Variants in CACNB2 observed in about 807,000 individuals in gnomAD.
CACNB2 encodes the protein voltage-dependent L-type calcium channel subunit beta-2.
Under a neutral mutation model 73.3 loss-of-function variants are expected in CACNB2, and 42 were observed. The observed-to-expected ratio is 0.57, with a 90% CI of 0.45 to 0.74. The LOEUF (loss-of-function observed/expected upper bound fraction) is 0.74, where lower values mean the gene tolerates loss of function less well. Ranked by LOEUF, CACNB2 falls within the 30% of genes least tolerant of loss-of-function variation. The pLI is 0.00. For synonymous variants in CACNB2, 348 were observed against 310.3 expected (o/e 1.12, Z -1.28); for missense variants, 940 against 853.0 (o/e 1.10, Z -1.27).
intron 3 of CACNB2, among the ~76,000 whole-genome samples, chr10:18,435,241 T>C (rs2046075691): frequency 6.6e-6 from 1 of 152,166 alleles, no homozygotes; most frequent in Non-Finnish European, 1.5e-5. Flanking sequence ...TCATGCTCTT[T>C]GTTAGATGGG....
intron 3 of CACNB2, among the ~76,000 whole-genome samples, chr10:18,434,069 C>G (rs1439069767): frequency 6.6e-6 from 1 of 152,016 alleles, no homozygotes; most frequent in Non-Finnish European, 1.5e-5. Flanking sequence ...ATGTTTTATA[C>G]AGAAAAACCA....
At chr10:18,512,374 T>C (rs1374898561) in intron 6 of CACNB2, among the ~76,000 whole-genome samples, 1 of 152,200 alleles carries the variant, frequency 6.6e-6, no homozygotes, top group African/African-American at 2.4e-5. Context: ...AAAATCATCT[T>C]AATCCTGTCC....
chr10:18,168,965 A>G (rs560646296), intron 2 of CACNB2, among the ~76,000 whole-genome samples: 2 of 152,292 alleles, frequency 1.3e-5, no homozygotes, highest in South Asian at 4.1e-4. Context: ...AACAGCCAAG[A>G]AATTTTTAAA....
chr10:18,343,355 C>T (rs1180517134), intron 2 of CACNB2, among the ~76,000 whole-genome samples: 1 of 151,718 alleles, frequency 6.6e-6, no homozygotes, highest in Non-Finnish European at 1.5e-5. Context: ...TTTTTTCTGA[C>T]TGTGGTTAAG....
At chr10:18,442,990 ATATATATGTGTATATATATATATG>A (rs1364933896) in intron 3 of CACNB2, among the ~76,000 whole-genome samples, 281 of 17,326 alleles carry the variant, frequency 0.016, 12 homozygotes, top group Middle Eastern at 0.023. Context: ...ATATATGTAT[ATATATATGTGTATATATATATATG>A]TATATATATA....
At chr10:18,265,244 G>A (rs989174173) in intron 2 of CACNB2, among the ~76,000 whole-genome samples, 21 of 139,222 alleles carry the variant, frequency 1.5e-4, no homozygotes, top group Admixed American at 9.2e-4. Flanking sequence ...TCCACCTCCC[G>A]CATTCAAGCC....
chr10:18,159,777 A>T (rs2032323784), intron 2 of CACNB2, among the ~76,000 whole-genome samples: 1 of 152,234 alleles, frequency 6.6e-6, no homozygotes, highest in Admixed American at 6.5e-5. Context: ...GATATGTTTA[A>T]GGTTGGATAA....
chr10:18,377,356 T>C (rs560933928), intron 2 of CACNB2, among the ~76,000 whole-genome samples: 2 of 152,246 alleles, frequency 1.3e-5, no homozygotes, highest in Non-Finnish European at 2.9e-5. Flanking sequence ...TATATAATAT[T>C]ATGTCTGGTG....
At chr10:18,511,573 C>T (rs186960583) in intron 6 of CACNB2, among the ~76,000 whole-genome samples, 169 of 152,330 alleles carry the variant, frequency 1.1e-3, no homozygotes, top group African/African-American at 4.0e-3. Context: ...TTTGTTCCTT[C>T]CTTCAATCTA....
intron 9 of CACNB2, among the ~76,000 whole-genome samples, chr10:18,523,295 T>G (rs776301669): frequency 3.3e-5 from 5 of 152,190 alleles, no homozygotes; most frequent in Admixed American, 6.5e-5. Context: ...CTTTCCTAAA[T>G]GCCAAAGATG....
chr10:18,164,952 T>A (rs1024038900), intron 2 of CACNB2, among the ~76,000 whole-genome samples: 8 of 152,182 alleles, frequency 5.3e-5, no homozygotes, highest in Non-Finnish European at 1.2e-4. Context: ...ATTCATTTTT[T>A]TTCACCAACA....
chr10:18,322,105 A>G (rs2040419248), intron 2 of CACNB2, among the ~76,000 whole-genome samples: 1 of 152,084 alleles, frequency 6.6e-6, no homozygotes, highest in Non-Finnish European at 1.5e-5. Context: ...GTGGTGAGCT[A>G]TGATCGTACC....
chr10:18,445,035 C>T (rs1056411870), intron 3 of CACNB2, among the ~76,000 whole-genome samples: 1 of 152,174 alleles, frequency 6.6e-6, no homozygotes, highest in Admixed American at 6.5e-5. Context: ...GTTTGTTGCT[C>T]ATTTATTACA....
At chr10:18,251,392 C>T (rs998668510) in intron 2 of CACNB2, among the ~76,000 whole-genome samples, 2 of 152,018 alleles carry the variant, frequency 1.3e-5, no homozygotes, top group African/African-American at 2.4e-5. Context: ...AGGTCACACA[C>T]GCCTGCCACA....
intron 2 of CACNB2, among the ~76,000 whole-genome samples, chr10:18,281,202 G>T (rs149958995): frequency 3.9e-5 from 6 of 152,122 alleles, no homozygotes; most frequent in African/African-American, 1.4e-4. Flanking sequence ...AGGATAAAGC[G>T]TGCCTCAAGC....
At chr10:18,295,847 G>A (rs1273787120) in intron 2 of CACNB2, among the ~76,000 whole-genome samples, 1 of 152,126 alleles carries the variant, frequency 6.6e-6, no homozygotes, top group African/African-American at 2.4e-5. Context: ...TAAACATACT[G>A]CATAGACGAT....
intron 2 of CACNB2, among the ~76,000 whole-genome samples, chr10:18,249,162 T>C (rs1360073319): frequency 1.3e-5 from 2 of 152,202 alleles, no homozygotes; most frequent in Non-Finnish European, 2.9e-5. Context: ...TAAAAAGACC[T>C]TCCCACTACT....
intron 3 of CACNB2, among the ~76,000 whole-genome samples, chr10:18,466,600 A>G (rs1055823560): frequency 1.3e-5 from 2 of 152,164 alleles, no homozygotes; most frequent in Non-Finnish European, 2.9e-5. Flanking sequence ...GTTTTGGCAG[A>G]TGTAAGAAAA....
At chr10:18,198,650 C>A (rs139079279) in intron 2 of CACNB2, among the ~76,000 whole-genome samples, 2,155 of 152,312 alleles carry the variant, frequency 0.014, 27 homozygotes, top group Admixed American at 0.023. Flanking sequence ...CATCTTCCAA[C>A]CCTCTTGGAA....
Sources: allele counts gnomAD v4.1 joint callset (sites outside exome capture counted in the v4.1 genomes callset), GRCh38; gene constraint gnomAD v4.1.1; transcripts MANE v1.5; gene names NCBI Gene and HGNC (gene_info 2026-07-23, HGNC 2026-07-21).